Variants in ZFPM2 observed in about 807,000 individuals in gnomAD.
ZFPM2 encodes zinc finger protein ZFPM2.
In ZFPM2, 20 loss-of-function variants were observed where a neutral mutation model predicts 98.6. That is an observed-to-expected ratio of 0.20 (90% confidence interval 0.14 to 0.29). The LOEUF is 0.29. Ranked by LOEUF, ZFPM2 falls within the 10% of genes least tolerant of loss-of-function variation. The pLI is 1.00. For missense variants in ZFPM2, 1,310 were observed against 1,388.6 expected, an observed-to-expected ratio of 0.94 and a Z score of 0.90; for synonymous variants, 518 against 502.7, an observed-to-expected ratio of 1.03 and a Z score of -0.41.
chr8:105,589,957 G>A lies in ZFPM2; in HGVS notation c.420+28476G>A, dbSNP rs1053847131. 1.3e-5 allele frequency among the ~76,000 whole-genome samples: 2 copies of A among 152,068 alleles called. 1 individual carries two copies. The highest frequency in any genetic ancestry group is 2.9e-5 in the Non-Finnish European group (2 of 67,992). On this transcript the variant is annotated intron_variant, in intron 4 of 7. Transcript: ENST00000407775. ...AGGCTGGTCTTGAACTCCTGACCTCGTGATCTGCCTGCCTCAGCCCCCAGA... is the reference window on the plus strand; with the variant it reads ...AGGCTGGTCTTGAACTCCTGACCTCATGATCTGCCTGCCTCAGCCCCCAGA...
intron 4 of ZFPM2, among the ~76,000 whole-genome samples, chr8:105,623,773 G>A (rs981940438): frequency 6.6e-6 from 1 of 151,968 alleles, no homozygotes; most frequent in Non-Finnish European, 1.5e-5. Flanking sequence ...GTTTAAACAG[G>A]GCATTCACAG....
At chr8:105,385,215 T>C (rs1173124944) in intron 1 of ZFPM2, among the ~76,000 whole-genome samples, 4 of 152,222 alleles carry the variant, frequency 2.6e-5, no homozygotes, top group Non-Finnish European at 1.5e-5. Flanking sequence ...AGGAATCTTA[T>C]GCAAAGTCAT....
At chr8:105,673,572 TG>T (rs1817637272) in intron 5 of ZFPM2, among the ~76,000 whole-genome samples, 1 of 152,132 alleles carries the variant, frequency 6.6e-6, no homozygotes, top group Non-Finnish European at 1.5e-5. Context: ...TTCCTTCCTT[TG>T]GTGAACACTG....
At chr8:105,778,434 C>T (rs1813156578) in intron 5 of ZFPM2, among the ~76,000 whole-genome samples, 2 of 152,004 alleles carry the variant, frequency 1.3e-5, no homozygotes, top group Non-Finnish European at 2.9e-5. Context: ...TTCCGCTTTT[C>T]TCCACCTCCA....
chr8:105,335,833 C>G (rs1056156238), intron 1 of ZFPM2, among the ~76,000 whole-genome samples: 2 of 151,794 alleles, frequency 1.3e-5, no homozygotes, highest in African/African-American at 4.8e-5. Context: ...GATCCATCTT[C>G]AGAATTGGTT....
intron 5 of ZFPM2, among the ~76,000 whole-genome samples, chr8:105,753,006 G>A (rs1002845312): frequency 2.0e-5 from 3 of 152,094 alleles, no homozygotes; most frequent in Non-Finnish European, 2.9e-5. Flanking sequence ...GCTTTCAGTC[G>A]GCATCTGATT....
At chr8:105,764,672 T>G (rs183290187) in intron 5 of ZFPM2, among the ~76,000 whole-genome samples, 1 of 151,804 alleles carries the variant, frequency 6.6e-6, no homozygotes, top group African/African-American at 2.4e-5. Context: ...AATGTGTTTT[T>G]TCATGATTTT....
At chr8:105,403,780 T>C (rs1207462784) in intron 1 of ZFPM2, among the ~76,000 whole-genome samples, 1 of 152,036 alleles carries the variant, frequency 6.6e-6, no homozygotes, top group East Asian at 1.9e-4. Context: ...TTCTCCTCCT[T>C]AGAGATGAAA....
At chr8:105,324,408 C>T (rs1010237418) in intron 1 of ZFPM2, among the ~76,000 whole-genome samples, 1 of 151,718 alleles carries the variant, frequency 6.6e-6, no homozygotes, top group Non-Finnish European at 1.5e-5. Flanking sequence ...ACTTTCTCAT[C>T]CATGTTATTT....
At chr8:105,751,410 C>T (rs1184972679) in intron 5 of ZFPM2, among the ~76,000 whole-genome samples, 2 of 151,996 alleles carry the variant, frequency 1.3e-5, no homozygotes, top group Non-Finnish European at 2.9e-5. Context: ...TGTTTGTTAC[C>T]GCATTAAACA....
At chr8:105,506,988 CAA>C (rs61634908) in intron 3 of ZFPM2, among the ~76,000 whole-genome samples, 24 of 112,772 alleles carry the variant, frequency 2.1e-4, no homozygotes, top group Admixed American at 3.5e-4. Flanking sequence ...ACTCCGTCTC[CAA>C]AAAAAAAAAA....
intron 4 of ZFPM2, among the ~76,000 whole-genome samples, chr8:105,602,530 A>G (rs187600768): frequency 1.7e-3 from 259 of 152,250 alleles, no homozygotes; most frequent in African/African-American, 6.0e-3. Context: ...GTGAATTTCA[A>G]GATTTCAAAA....
chr8:105,766,495 A>G (rs1383018082), intron 5 of ZFPM2, among the ~76,000 whole-genome samples: 1 of 151,912 alleles, frequency 6.6e-6, no homozygotes, highest in Non-Finnish European at 1.5e-5. Flanking sequence ...ACATTCTTGC[A>G]TAAGTGCGCA....
chr8:105,495,018 T>A (rs944752506), intron 3 of ZFPM2, among the ~76,000 whole-genome samples: 3 of 152,188 alleles, frequency 2.0e-5, no homozygotes, highest in African/African-American at 7.2e-5. Context: ...AAAAACTATT[T>A]AAACATATAA....
rs553482438 is a variant in ZFPM2 at position 105,517,755 on chromosome 8, G to A, written c.302-43608G>A. 8.2e-4 allele frequency among the ~76,000 whole-genome samples: 84 copies of A among 102,080 alleles called. 1 individual carries two copies. Among genetic ancestry groups the A allele is most frequent in the African/African-American group, 3.2e-3 (81 of 25,370 alleles). The allele number at this position is 102,080 out of a possible 152,430, so 67.0% of individuals were successfully genotyped here. On this transcript the variant is annotated intron_variant, in intron 3 of 7. Transcript: ENST00000407775. ...CACACACACACACCCCTAGTTGGGT[G>A]TGGGGGCATGTGGCTGTAATCTCAG... is the stretch of plus-strand genomic sequence containing the variant.
At chr8:105,530,322 G>A (rs1422215007) in intron 3 of ZFPM2, among the ~76,000 whole-genome samples, 1 of 152,128 alleles carries the variant, frequency 6.6e-6, no homozygotes, top group African/African-American at 2.4e-5. Flanking sequence ...CTGATGTTCT[G>A]TCACATACTT....
intron 1 of ZFPM2, among the ~76,000 whole-genome samples, chr8:105,346,720 A>G (rs1812544717): frequency 6.6e-6 from 1 of 152,174 alleles, no homozygotes; most frequent in African/African-American, 2.4e-5. Context: ...TCCATTTTGG[A>G]GACATTGTTT....
At chr8:105,619,091 T>C (rs774304715) in intron 4 of ZFPM2, among the ~76,000 whole-genome samples, 1 of 152,184 alleles carries the variant, frequency 6.6e-6, no homozygotes, top group Non-Finnish European at 1.5e-5. Flanking sequence ...TTATAAAAGC[T>C]ATAAGCCATA....
intron 1 of ZFPM2, among the ~76,000 whole-genome samples, chr8:105,364,222 A>G (rs1279600964): frequency 1.3e-5 from 2 of 152,038 alleles, no homozygotes; most frequent in East Asian, 1.9e-4. Context: ...TATAATGTAA[A>G]TTTTTATAAT....
Sources: gnomAD v4.1 joint callset for allele counts (sites outside exome capture counted in the v4.1 genomes callset) on GRCh38, gnomAD v4.1.1 for gene constraint, MANE v1.5 for transcripts, NCBI Gene and HGNC (gene_info 2026-07-23, HGNC 2026-07-21) for gene names.